PPP4R1: variants seen among roughly 807,000 people sequenced by gnomAD.
PPP4R1 encodes the protein serine/threonine-protein phosphatase 4 regulatory subunit 1.
Under a neutral mutation model 111.2 loss-of-function variants are expected in PPP4R1, and 42 were observed. The observed-to-expected ratio is 0.38, with a 90% confidence interval of 0.29 to 0.49. The LOEUF (loss-of-function observed/expected upper bound fraction) is 0.49. PPP4R1 is among the 20% of genes least tolerant of loss of function. The pLI, the probability that PPP4R1 is intolerant of heterozygous loss-of-function variation, is 0.97. For synonymous variants in PPP4R1, 409 were observed against 405.5 expected (o/e 1.01, Z -0.10); for missense variants, 1,012 against 1,161.6 (o/e 0.87, Z 1.87).
rs2067161888 is a variant in PPP4R1, at chr18:9,588,749, G to T, written c.400C>A (p.Pro134Thr). ...IPYAFSKFLLPIVVRYLADQN... is the reference protein window; with the variant it reads ...IPYAFSKFLLTIVVRYLADQN... ...TCTGCAAGGTATCTAACCACAATAG[G>T]TAGTAAGAATTTTGAAAAAGCATAT... The change falls in exon 5 of 20, where the codon CCT (proline) becomes ACT (threonine). Residue 134 changes from proline to threonine, a missense_variant. Transcript: ENST00000400556. 6.2e-7 allele frequency: 1 copy of T among 1,613,156 alleles called. No homozygotes were observed. Among genetic ancestry groups the T allele is most frequent in the Non-Finnish European group, 8.5e-7 (1 of 1,179,350 alleles).
Position 9,614,190 on chromosome 18 carries a change from C to CG in PPP4R1, c.52+35dup, listed in dbSNP as rs1356855828. ...GCCCGCCCTCCCCGGCCGCTCCCCG[C>CG]GGACTGCCAGGCCACCGCGAGGCCG... On this transcript the variant is annotated intron_variant, in intron 2 of 19. Coordinates refer to ENST00000400556, the MANE Select transcript of PPP4R1 (RefSeq NM_001042388.3). This position sits in a 1 kb window ranked among gnomAD's most constrained non-coding sequence, Gnocchi z 4.1. 1 of 1,335,242 alleles carries CG rather than the reference C, an allele frequency of 7.5e-7. No individual in the cohort carries two copies. The highest frequency in any genetic ancestry group is 3.4e-5 in the Admixed American group (1 of 29,292). The allele number at this position is 1,335,242 out of a possible 1,614,324, so 82.7% of individuals were successfully genotyped here.
intron 2 of PPP4R1, among the ~76,000 whole-genome samples, chr18:9,609,154 G>A (rs1255223517): frequency 6.6e-6 from 1 of 152,016 alleles, no homozygotes; most frequent in African/African-American, 2.4e-5. Context: ...CATTTTAAAA[G>A]CACTCTTTTC....
At chr18:9,549,419 T>G (rs1415277392) in intron 18 of PPP4R1, 81 bp from the exon 19 acceptor site, 2 of 1,511,042 alleles carry the variant, frequency 1.3e-6, no homozygotes, top group Admixed American at 3.8e-5. Flanking sequence ...AATCTCTGAG[T>G]GACCACAGGT....
chr18:9,563,835 C>T (rs965828540), intron 11 of PPP4R1: 6 of 230,000 alleles, frequency 2.6e-5, no homozygotes, highest in East Asian at 1.7e-4. Flanking sequence ...GAGCTGCCTC[C>T]GGCTTATTAA....
intron 3 of PPP4R1, 94 bp from the exon 4 acceptor site, chr18:9,593,968 C>T: frequency 1.0e-6 from 1 of 959,094 alleles, no homozygotes. Context: ...ATTCCTGTTG[C>T]CCAGGCCGGA....
intron 10 of PPP4R1, among the ~76,000 whole-genome samples, chr18:9,572,594 C>A (rs2066878895): frequency 6.6e-6 from 1 of 152,072 alleles, no homozygotes; most frequent in Non-Finnish European, 1.5e-5. Context: ...TTTAAATACA[C>A]ACAATAAAAG....
chr18:9,566,647 TGACA>T (rs1320343434), intron 11 of PPP4R1, among the ~76,000 whole-genome samples: 8 of 101,776 alleles, frequency 7.9e-5, no homozygotes, highest in Non-Finnish European at 5.9e-5. Flanking sequence ...TGAGGCGCTG[TGACA>T]CACACACACA....
chr18:9,583,425 G>T, intron 8 of PPP4R1, 150 bp from the exon 9 acceptor site: 1 of 793,034 alleles, frequency 1.3e-6, no homozygotes, highest in Non-Finnish European at 1.8e-6. Context: ...GGAGTGAGGT[G>T]GTGCGATCTT....
At chr18:9,603,500 T>C (rs2067426757) in intron 2 of PPP4R1, among the ~76,000 whole-genome samples, 1 of 152,196 alleles carries the variant, frequency 6.6e-6, no homozygotes, top group Non-Finnish European at 1.5e-5. Context: ...GAAATTCAAA[T>C]TTTTAATTTC....
chr18:9,614,658 G>A (rs1423475847), upstream of PPP4R1: 1 of 159,202 alleles, frequency 6.3e-6, no homozygotes. The surrounding 1 kb of genome is among the most constrained non-coding windows in gnomAD (Gnocchi z 4.1). Flanking sequence ...CGGGCGGCGC[G>A]GCTCCCGGCC....
chr18:9,590,219 T>C (rs1217186322), intron 4 of PPP4R1: 1 of 152,170 alleles, frequency 6.6e-6, no homozygotes, highest in Non-Finnish European at 1.5e-5. Flanking sequence ...CTACTAGGAT[T>C]TCAGATATCA....
At chr18:9,579,517 CGTGTGTGT>C (rs3974278) in intron 9 of PPP4R1, among the ~76,000 whole-genome samples, 17 of 147,768 alleles carry the variant, frequency 1.2e-4, no homozygotes, top group Non-Finnish European at 2.4e-4. Context: ...AGGATTTACA[CGTGTGTGT>C]GTGTGTGTGT....
At chr18:9,567,575 A>C (rs767671733) in intron 11 of PPP4R1, among the ~76,000 whole-genome samples, 1 of 152,206 alleles carries the variant, frequency 6.6e-6, no homozygotes, top group Non-Finnish European at 1.5e-5. Flanking sequence ...GTGGTTTCTC[A>C]AGATGGAATC....
At chr18:9,582,895 T>G (rs1450951612) in intron 9 of PPP4R1, among the ~76,000 whole-genome samples, 1 of 152,088 alleles carries the variant, frequency 6.6e-6, no homozygotes, top group Non-Finnish European at 1.5e-5. Context: ...ATCATGCCAA[T>G]TAAATAAAAA....
Position 9,594,802 on chromosome 18 carries a change from A to T in PPP4R1, c.188+216T>A, listed in dbSNP as rs201620983. On this transcript the variant is annotated intron_variant, in intron 3 of 19. Coordinates refer to ENST00000400556, the MANE Select transcript of PPP4R1 (RefSeq NM_001042388.3). ...AGAAAAGCAATGGTAATTAATGGTA[A>T]TTTTTTTTTTTGCAAAGAAAGCATG... The T allele has an allele frequency of 3.8e-5, 15 of 397,094 alleles. No homozygotes were observed. In the East Asian group the frequency reaches 4.4e-4, roughly 12 times the overall value. 24.6% of individuals were successfully genotyped at this position (397,094 alleles called of 1,614,324 possible). A position where few individuals can be genotyped will look rare whatever the true frequency, so the allele number is the denominator to read the frequency against.
intron 11 of PPP4R1, among the ~76,000 whole-genome samples, chr18:9,569,123 GGTT>G (rs1467146541): frequency 2.0e-5 from 3 of 151,560 alleles, no homozygotes; most frequent in African/African-American, 7.3e-5. Flanking sequence ...TTGAACCAGA[GGTT>G]GTTGTGAGCC....
intron 2 of PPP4R1, among the ~76,000 whole-genome samples, chr18:9,608,012 G>C (rs937652610): frequency 6.7e-5 from 10 of 149,190 alleles, no homozygotes; most frequent in Non-Finnish European, 1.5e-4. Flanking sequence ...TTGAACTCCT[G>C]ATCTCGGGTG....
intron 10 of PPP4R1, among the ~76,000 whole-genome samples, chr18:9,573,969 G>T (rs62087457): frequency 0.055 from 8,445 of 152,204 alleles, 303 homozygotes; most frequent in Middle Eastern, 0.092. Context: ...ACTACAGCAT[G>T]CATGGCTTCA....
chr18:9,572,136 G>T (rs2066872306), intron 10 of PPP4R1, among the ~76,000 whole-genome samples: 1 of 152,164 alleles, frequency 6.6e-6, no homozygotes, highest in Admixed American at 6.5e-5. Context: ...GGTTGAAAGA[G>T]GTTGAGTTAG....
Sources: allele counts gnomAD v4.1 joint callset (sites outside exome capture counted in the v4.1 genomes callset), GRCh38; gene constraint gnomAD v4.1.1; non-coding constraint Gnocchi (gnomAD v3.1); transcripts MANE v1.5; gene names NCBI Gene and HGNC (gene_info 2026-07-23, HGNC 2026-07-21).